The following CUX1 variants were observed in gnomAD, a reference collection of about 807,000 sequenced individuals.
CUX1 encodes the protein cut like homeobox 1, also known as protein CASP.
In CUX1, 31 loss-of-function variants were observed where a neutral mutation model predicts 158.8. That is an observed-to-expected ratio of 0.20 (90% CI 0.15 to 0.26). The LOEUF is 0.26. Among genes scored for constraint, CUX1 ranks in the 10% least tolerant of loss-of-function variants. CUX1 has a pLI of 1.00. For missense variants in CUX1, 1,589 were observed against 2,014.6 expected (o/e 0.79, Z 4.04); for synonymous variants, 879 against 862.1 (o/e 1.02, Z -0.34).
intron 3 of CUX1, among the ~76,000 whole-genome samples, chr7:102,036,984 T>C (rs925271567): frequency 1.5e-4 from 23 of 152,158 alleles, no homozygotes; most frequent in Admixed American, 1.5e-3. Context: ...TGAGCCCTCG[T>C]GTTAGAGACT....
chr7:101,968,766 T>C (rs1811557169), intron 2 of CUX1, among the ~76,000 whole-genome samples: 1 of 152,128 alleles, frequency 6.6e-6, no homozygotes, highest in Non-Finnish European at 1.5e-5. Context: ...ATATCCCTGC[T>C]GCCTGGGTGG....
intron 1 of CUX1, among the ~76,000 whole-genome samples, chr7:101,867,667 C>T (rs1798071726): frequency 6.6e-6 from 1 of 152,212 alleles, no homozygotes; most frequent in Non-Finnish European, 1.5e-5. Flanking sequence ...CTGGAAGGTA[C>T]CTCCCGGTAA....
rs1788695130 is a variant in CUX1 at position 102,239,537 on chromosome 7, G to A, written c.3840G>A (p.Gln1280=). 6.2e-7 allele frequency: 1 copy of A among 1,614,104 alleles called. No individual in the cohort carries two copies. The highest frequency in any genetic ancestry group is 2.2e-5 in the East Asian group (1 of 44,874). Reference sequence around the variant, plus strand: ...AAACCATCGAAGACCTCGCCACCCAGCTCAACCTGAAAACCAGCACCGTCA... The same window carrying A: ...AAACCATCGAAGACCTCGCCACCCAACTCAACCTGAAAACCAGCACCGTCA... ...SPKTIEDLAT[Q]LNLKTSTVIN... is the part of the protein sequence containing the mutation. The change falls in exon 23 of 24, where the codon CAG becomes CAA. Residue 1280 remains glutamine (Q), a synonymous_variant. Coordinates refer to ENST00000292535, the MANE Select transcript of CUX1 (RefSeq NM_181552.4).
At chr7:102,282,923 G>T (rs1393019837) in intron 22 of CUX1, 11 of 393,140 alleles carry the variant, frequency 2.8e-5, no homozygotes, top group Admixed American at 1.6e-4. Flanking sequence ...CCCTACTCCC[G>T]GTATCCACTA....
chr7:101,980,201 A>G (rs1813241861), intron 2 of CUX1, among the ~76,000 whole-genome samples: 1 of 152,098 alleles, frequency 6.6e-6, no homozygotes, highest in Non-Finnish European at 1.5e-5. Flanking sequence ...ACTACTCAGG[A>G]TCTTACAGAA....
At chr7:102,229,387 C>T (rs572102640) in intron 21 of CUX1, among the ~76,000 whole-genome samples, 134 of 151,108 alleles carry the variant, frequency 8.9e-4, no homozygotes, top group Admixed American at 2.4e-3. Flanking sequence ...ACTACAGCCT[C>T]TCGGCTCACT....
At chr7:102,261,049 C>T (rs1370082723), downstream of CUX1, among the ~76,000 whole-genome samples, 4 of 152,234 alleles carry the variant, frequency 2.6e-5, no homozygotes, top group African/African-American at 4.8e-5. Flanking sequence ...CCCAGGCTCC[C>T]GGCCAGTGGG....
chr7:102,280,910 G>A, intron 20 of CUX1: 6 of 1,557,428 alleles, frequency 3.9e-6, no homozygotes, highest in East Asian at 2.2e-5. Flanking sequence ...CTGAGCCTCT[G>A]TCTCCAGGCA....
At chr7:101,899,134 C>T (rs529785373) in intron 1 of CUX1, among the ~76,000 whole-genome samples, 1 of 152,264 alleles carries the variant, frequency 6.6e-6, no homozygotes, top group Admixed American at 6.5e-5. Flanking sequence ...GGGTCCAGAC[C>T]CTGGGTGGTA....
intron 2 of CUX1, among the ~76,000 whole-genome samples, chr7:101,939,058 C>CATATATATAT (rs58303224): frequency 7.6e-5 from 4 of 52,668 alleles, no homozygotes; most frequent in Non-Finnish European, 1.3e-4. Context: ...AAAAAAAATA[C>CATATATATAT]ATATATATAT....
intron 1 of CUX1, among the ~76,000 whole-genome samples, chr7:101,872,551 TA>T (rs950877609): frequency 2.7e-5 from 4 of 146,342 alleles, no homozygotes; most frequent in Admixed American, 6.9e-5. Flanking sequence ...TTTTTTTTTT[TA>T]AATAGATATG....
At chr7:102,155,263 G>A (rs533494627) in intron 8 of CUX1, among the ~76,000 whole-genome samples, 1 of 152,026 alleles carries the variant, frequency 6.6e-6, no homozygotes, top group East Asian at 1.9e-4. Flanking sequence ...TGTGATTTGG[G>A]ACAGGCGCAG....
At position 102,052,202 on chromosome 7, in the gene CUX1, C is replaced by T. The variant is rs185881323; in HGVS notation, c.190-18137C>T. ...CACCACTGCACTCCAGCCTGGGTAA[C>T]AGAGTGAGACTCCATCTAAAAAGAA... On this transcript the variant is annotated intron_variant, in intron 3 of 23. Coordinates refer to ENST00000292535, the MANE Select transcript of CUX1 (RefSeq NM_181552.4). Among the ~76,000 whole-genome samples the T allele has an allele frequency of 4.6e-5, 7 of 152,224 alleles. No homozygotes were observed. In the East Asian group the frequency reaches 1.3e-3, roughly 29 times the overall value.
rs1397146425 is a variant in CUX1 at position 102,065,360 on chromosome 7, G to A, written c.190-4979G>A. On this transcript the variant is annotated intron_variant, in intron 3 of 23. Transcript: ENST00000292535. Reference sequence around the variant, plus strand: ...TTCCCAAAGTGCTGGGATTACAGGTGCATGCCACCATGCCCAGCTAATTTT... The same window carrying A: ...TTCCCAAAGTGCTGGGATTACAGGTACATGCCACCATGCCCAGCTAATTTT... Among the ~76,000 whole-genome samples, 4 of 152,062 alleles carry A rather than the reference G, an allele frequency of 2.6e-5. No homozygotes were observed. In the South Asian group the frequency reaches 6.2e-4, roughly 24 times the overall value.
At chr7:101,853,019 T>C (rs1307092783) in intron 1 of CUX1, among the ~76,000 whole-genome samples, 1 of 152,192 alleles carries the variant, frequency 6.6e-6, no homozygotes, top group African/African-American at 2.4e-5. Context: ...TAAAATGTTT[T>C]TTAAAAATAT....
chr7:101,946,599 G>A (rs1403228617), intron 2 of CUX1, among the ~76,000 whole-genome samples: 4 of 151,686 alleles, frequency 2.6e-5, no homozygotes, highest in African/African-American at 4.8e-5. Context: ...GGTCAGTGGC[G>A]GTGAAGCTTG....
chr7:102,274,156 C>G, intron 15 of CUX1: 1 of 1,341,242 alleles, frequency 7.5e-7, no homozygotes, highest in Non-Finnish European at 1.1e-6. Flanking sequence ...GCCACACCCA[C>G]CCTGCCATTT....
At chr7:102,078,701 C>T (rs1025147387) in intron 4 of CUX1, among the ~76,000 whole-genome samples, 2 of 152,200 alleles carry the variant, frequency 1.3e-5, no homozygotes, top group African/African-American at 4.8e-5. Context: ...ACTGACTCGT[C>T]TCCCTTTATT....
At chr7:102,194,022 G>A in intron 13 of CUX1, 132 bp downstream of exon 13, 2 of 872,554 alleles carry the variant, frequency 2.3e-6, no homozygotes, top group Admixed American at 2.4e-5. Flanking sequence ...CATACTTCAA[G>A]AACATTTAAC....
Sources: allele counts gnomAD v4.1 joint callset (sites outside exome capture counted in the v4.1 genomes callset), GRCh38; gene constraint gnomAD v4.1.1; transcripts MANE v1.5; gene names NCBI Gene and HGNC (gene_info 2026-07-23, HGNC 2026-07-21).